The following CSNK2A1 variants were observed in gnomAD, a reference collection of about 807,000 sequenced individuals.
CSNK2A1 encodes the protein casein kinase 2 alpha 1, also known as casein kinase II subunit alpha.
Under a neutral mutation model 62.9 loss-of-function variants are expected in CSNK2A1, and 10 were observed. The ratio of observed to expected loss-of-function variants is 0.16; its 90% CI spans 0.10 to 0.27. The LOEUF (loss-of-function observed/expected upper bound fraction) is 0.27, where lower values mean the gene tolerates loss of function less well. Among genes scored for constraint, CSNK2A1 ranks in the 10% least tolerant of loss-of-function variants. The pLI, the probability that CSNK2A1 is intolerant of heterozygous loss-of-function variation, is 1.00. For synonymous variants in CSNK2A1, 124 were observed against 167.8 expected (o/e 0.74, Z 2.02); for missense variants, 160 against 492.0 (o/e 0.33, Z 6.38).
At position 480,285 on chromosome 20, in the gene CSNK2A1, G is replaced by C. The variant is rs2017932202; in HGVS notation, c.*3676C>G. On this transcript the variant is annotated 3_prime_UTR_variant, in exon 14 of 14. Coordinates refer to ENST00000217244, the MANE Select transcript of CSNK2A1 (RefSeq NM_177559.3). Reference sequence around the variant, plus strand: ...GTGGGTGGGTGTGTGTGTGTAGGGAGAGAAAGGGGGCAATGGAGTGGAGAG... The same window carrying C: ...GTGGGTGGGTGTGTGTGTGTAGGGACAGAAAGGGGGCAATGGAGTGGAGAG... 2 of 151,770 alleles carry C rather than the reference G, an allele frequency of 1.3e-5. No homozygotes were observed. The highest frequency in any genetic ancestry group is 4.8e-5 in the African/African-American group (2 of 41,308). The allele number at this position is 151,770 out of a possible 1,614,324, so 9.4% of individuals were successfully genotyped here.
intron 4 of CSNK2A1, 37 bp downstream of exon 4, chr20:505,080 AT>A: frequency 6.6e-7 from 1 of 1,523,520 alleles, no homozygotes; most frequent in Non-Finnish European, 8.9e-7. Flanking sequence ...TTAAAAATCT[AT>A]ATTCCAAATA....
In CSNK2A1 at chr20:543,789, C is replaced by A. The variant is rs948767324; in HGVS notation, c.-344G>T. 2 of 398,518 alleles carry A rather than the reference C, an allele frequency of 5.0e-6. No homozygotes were observed. Among genetic ancestry groups the A allele is most frequent in the Non-Finnish European group, 8.8e-6 (2 of 226,028 alleles). 24.7% of individuals were successfully genotyped at this position (398,518 alleles called of 1,614,324 possible). On this transcript the variant is annotated 5_prime_UTR_variant, in exon 1 of 14. Coordinates refer to ENST00000217244, the MANE Select transcript of CSNK2A1 (RefSeq NM_177559.3). ...GCCAGCCGCAGGGACCAGAGCGAGG[C>A]TGCAGCCGCTGCTGCCGGAAGCGGA...
rs2017900595 is a variant in CSNK2A1 at position 478,803 on chromosome 20, T to C, written c.*5158A>G. 1 of 301,508 alleles carries C rather than the reference T, an allele frequency of 3.3e-6. No individual in the cohort carries two copies. Among genetic ancestry groups the C allele is most frequent in the Non-Finnish European group, 6.5e-6 (1 of 155,032 alleles). 18.7% of individuals were successfully genotyped at this position (301,508 alleles called of 1,614,324 possible). ...AAAAAAATTAGCCAAGCATGATGGC[T>C]CGTGCCTGTAGTCCCTGGAAGGCTG... On this transcript the variant is annotated 3_prime_UTR_variant, in exon 14 of 14. Transcript: ENST00000217244.
At position 483,069 on chromosome 20, in the gene CSNK2A1, A is replaced by C. The variant is rs2017986300; in HGVS notation, c.*892T>G. ...TTTGTTTCTTTTGTAAAAAGCAGTA[A>C]GTTATGCCCAGTAACTAAATGAATT... On this transcript the variant is annotated 3_prime_UTR_variant, in exon 14 of 14. Transcript: ENST00000217244. 6.6e-6 allele frequency: 1 copy of C among 152,242 alleles called. No homozygotes were observed. The highest frequency in any genetic ancestry group is 1.5e-5 in the Non-Finnish European group (1 of 68,048). 9.4% of individuals were successfully genotyped at this position (152,242 alleles called of 1,614,324 possible). A position where few individuals can be genotyped will look rare whatever the true frequency, so the allele number is the denominator to read the frequency against.
chr20:494,022 CCAT>C (rs1464494833), intron 8 of CSNK2A1: 3 of 150,738 alleles, frequency 2.0e-5, no homozygotes, highest in African/African-American at 7.3e-5. Flanking sequence ...GCACTTTTCC[CCAT>C]TTTTTTTTTT....
At chr20:541,946 A>G (rs866047006) in intron 1 of CSNK2A1, among the ~76,000 whole-genome samples, 13 of 152,204 alleles carry the variant, frequency 8.5e-5, no homozygotes, top group African/African-American at 2.7e-4. Context: ...ACTTTTGAGA[A>G]TACCACGGAG....
intron 2 of CSNK2A1, among the ~76,000 whole-genome samples, chr20:518,353 G>T (rs1001748047): frequency 6.6e-6 from 1 of 152,058 alleles, no homozygotes; most frequent in African/African-American, 2.4e-5. Flanking sequence ...CTTCCTAATG[G>T]TGAGAGTGAC....
intron 1 of CSNK2A1, among the ~76,000 whole-genome samples, chr20:535,959 C>T (rs1490896548): frequency 6.6e-6 from 1 of 152,098 alleles, no homozygotes; most frequent in Non-Finnish European, 1.5e-5. Flanking sequence ...ATCAGAGAAC[C>T]ACTGGGAGTA....
chr20:490,774 T>C (rs1489782869), intron 9 of CSNK2A1, among the ~76,000 whole-genome samples: 3 of 150,142 alleles, frequency 2.0e-5, no homozygotes, highest in Non-Finnish European at 3.0e-5. Flanking sequence ...GGCGTGATCA[T>C]AGCTCACTGC....
chr20:496,042 TA>T (rs2018340766), intron 7 of CSNK2A1: 3 of 452,306 alleles, frequency 6.6e-6, no homozygotes, highest in Admixed American at 3.5e-5. Context: ...TTTTCTGTCC[TA>T]AAAGACCCAA....
Position 512,107 on chromosome 20 carries a change from T to C in CSNK2A1, c.-109-3447A>G, listed in dbSNP as rs547523691. Among the ~76,000 whole-genome samples the C allele has an allele frequency of 7.9e-5, 12 of 152,284 alleles. No homozygotes were observed. The South Asian group carries it at 1.9e-3, about 24-fold the overall frequency. On this transcript the variant is annotated intron_variant, in intron 2 of 13. Coordinates refer to ENST00000217244, the MANE Select transcript of CSNK2A1 (RefSeq NM_177559.3). ...GGTCTTGCTTATGCCCAGGCTGGTCTTGAGCTCCTGGCCTCAAGGGATCCT... is the reference window on the plus strand; with the variant it reads ...GGTCTTGCTTATGCCCAGGCTGGTCCTGAGCTCCTGGCCTCAAGGGATCCT...
chr20:487,874 A>G (rs2018132787), intron 11 of CSNK2A1: 1 of 418,998 alleles, frequency 2.4e-6, no homozygotes, highest in Non-Finnish European at 4.4e-6. Flanking sequence ...CAGGTGGCTG[A>G]GCTCACCAGG....
rs746026143 is a variant in CSNK2A1 at position 492,305 on chromosome 20, G to A, written c.570C>T (p.Val190=). ...CTTTGAAGTATCGGGAAGCAACTCG[G>A]ACATTATATTCTTGGCCAGGATGAT... is the stretch of plus-strand genomic sequence containing the variant. ...EFYHPGQEYN[V]RVASRYFKGP... Residue 190 remains valine, a synonymous_variant, in exon 9 of 14, where the codon GTC becomes GTT. Coordinates refer to ENST00000217244, the MANE Select transcript of CSNK2A1 (RefSeq NM_177559.3). 6.2e-6 allele frequency: 10 copies of A among 1,613,954 alleles called. No individual in the cohort carries two copies. In the South Asian group the frequency reaches 9.9e-5, roughly 16 times the overall value.
intron 1 of CSNK2A1, among the ~76,000 whole-genome samples, chr20:534,750 T>G (rs571836621): frequency 1.3e-5 from 2 of 151,762 alleles, no homozygotes; most frequent in African/African-American, 4.8e-5. Flanking sequence ...CAGACCAGGC[T>G]GGGTGCAGTG....
intron 3 of CSNK2A1, chr20:506,728 A>G (rs559042215): frequency 7.9e-5 from 12 of 152,330 alleles, no homozygotes; most frequent in African/African-American, 2.9e-4. Flanking sequence ...ACTAAAAACA[A>G]TGGACAACAT....
chr20:515,589 C>T (rs1335360541), intron 2 of CSNK2A1, among the ~76,000 whole-genome samples: 2 of 152,160 alleles, frequency 1.3e-5, no homozygotes, highest in African/African-American at 4.8e-5. Flanking sequence ...AGTCTTCTCA[C>T]TCCTACAGAA....
At chr20:530,217 CTA>C (rs1324485874) in intron 1 of CSNK2A1, among the ~76,000 whole-genome samples, 1 of 152,130 alleles carries the variant, frequency 6.6e-6, no homozygotes, top group African/African-American at 2.4e-5. Context: ...ATGTATTTGC[CTA>C]TTATGGACAT....
rs369232772 is a variant in CSNK2A1 at position 492,269 on chromosome 20, T to C, written c.606A>G (p.Leu202=). The C allele has an allele frequency of 5.6e-6, 9 of 1,613,690 alleles. No homozygotes were observed. The East Asian group carries it at 1.1e-4, about 20-fold the overall frequency. Residue 202 remains leucine, a synonymous_variant, in exon 9 of 14, where the codon CTA becomes CTG. Transcript: ENST00000217244. ...VASRYFKGPE[L]LVDYQMYDYS... Reference sequence around the variant, plus strand: ...CTGTTCTTACCTGATAGTCTACAAGTAGCTCAGGACCTTTGAAGTATCGGG... The same window carrying C: ...CTGTTCTTACCTGATAGTCTACAAGCAGCTCAGGACCTTTGAAGTATCGGG...
rs771672472 is a variant in CSNK2A1, at chr20:486,396, C to T, written c.1040G>A (p.Ser347Asn). 6.2e-6 allele frequency: 10 copies of T among 1,613,544 alleles called. No individual in the cohort carries two copies. The highest frequency in any genetic ancestry group is 1.7e-5 in the Admixed American group (1 of 59,906). ...CTGACCTGACATCATATTGGCGCTG[C>T]TGACGGGCGTACTGCCCCCTGGCAT... Reference protein sequence around the residue: ...SSMPGGSTPVSSANMMSGISS... With the variant: ...SSMPGGSTPVNSANMMSGISS... The change falls in exon 13 of 14, where the codon AGC becomes AAC. Residue 347 changes from serine to asparagine, a missense_variant. Around this residue, in one of 3 missense-constraint regions of CSNK2A1, gnomAD observed 51 missense variants for 108.8 expected, o/e 0.47. Coordinates refer to ENST00000217244, the MANE Select transcript of CSNK2A1 (RefSeq NM_177559.3).
Sources: gnomAD v4.1 joint callset for allele counts (sites outside exome capture counted in the v4.1 genomes callset) on GRCh38, gnomAD v4.1.1 for gene constraint, gnomAD v4.1.1 regional missense constraint, MANE v1.5 for transcripts, NCBI Gene and HGNC (gene_info 2026-07-23, HGNC 2026-07-21) for gene names.